Variants in PDE3A observed in about 807,000 individuals in gnomAD.
PDE3A encodes the protein cGMP-inhibited 3',5'-cyclic phosphodiesterase 3A.
In PDE3A, 43 loss-of-function variants were observed where a neutral mutation model predicts 98.3. That is an observed-to-expected ratio of 0.44 (90% CI 0.34 to 0.56). The LOEUF is 0.56. PDE3A is among the 20% of genes least tolerant of loss of function. The pLI is 0.01. For synonymous variants in PDE3A, 663 were observed against 567.9 expected, an observed-to-expected ratio of 1.17 and a Z score of -2.38; for missense variants, 1,427 against 1,440.7, an observed-to-expected ratio of 0.99 and a Z score of 0.15.
intron 2 of PDE3A, among the ~76,000 whole-genome samples, chr12:20,587,680 T>C (rs757040155): frequency 1.3e-5 from 2 of 152,192 alleles, no homozygotes; most frequent in Non-Finnish European, 2.9e-5. Flanking sequence ...TAGTGAATGG[T>C]TGAAAGAAGT....
chr12:20,560,859 C>G (rs1942499261), intron 2 of PDE3A, among the ~76,000 whole-genome samples: 1 of 151,942 alleles, frequency 6.6e-6, no homozygotes, highest in African/African-American at 2.4e-5. Context: ...GGAAACCCAC[C>G]CCCACCCCTA....
intron 1 of PDE3A, among the ~76,000 whole-genome samples, chr12:20,498,734 AGGTAGAACCTATCTCTTACT>A (rs1027673512): frequency 5.3e-5 from 8 of 152,186 alleles, no homozygotes; most frequent in African/African-American, 1.9e-4. Flanking sequence ...TTTGTCTTAC[AGGTAGAACCTATCTCTTACT>A]GGTAGAACCT....
chr12:20,499,846 C>A (rs147565662), intron 1 of PDE3A, among the ~76,000 whole-genome samples: 2 of 152,104 alleles, frequency 1.3e-5, no homozygotes, highest in African/African-American at 4.8e-5. Flanking sequence ...TGAGTGGTAA[C>A]GAAGGTCAAA....
chr12:20,386,053 T>A (rs1306359040), intron 1 of PDE3A, among the ~76,000 whole-genome samples: 36 of 51,110 alleles, frequency 7.0e-4, no homozygotes, highest in Admixed American at 1.3e-3. Context: ...TATATATAAA[T>A]ATATATAAAT....
In PDE3A at chr12:20,680,110, G is replaced by A. The variant is rs778619497; in HGVS notation, c.3265G>A (p.Val1089Ile). The A allele has an allele frequency of 6.2e-7, 1 of 1,613,514 alleles. No individual in the cohort carries two copies. The highest frequency in any genetic ancestry group is 1.7e-5 in the Admixed American group (1 of 60,004). The change falls in exon 16 of 16, where the codon GTC (valine) becomes ATC (isoleucine). Residue 1089 changes from valine (V) to isoleucine (I), a missense_variant. Val to Ile is a conservative substitution (Grantham distance 29, BLOSUM62 3). Coordinates refer to ENST00000359062, the MANE Select transcript of PDE3A (RefSeq NM_000921.5). Reference sequence around the variant, plus strand: ...ACAGAACCACAAGATGTGGAAGAAAGTCATTGAAGAGGAGCAACGGTTGGC... The same window carrying A: ...ACAGAACCACAAGATGTGGAAGAAAATCATTGAAGAGGAGCAACGGTTGGC... ...LLQNHKMWKK[V>I]IEEEQRLAGI... is the part of the protein sequence containing the mutation.
chr12:20,490,057 A>T (rs1056339999), intron 1 of PDE3A, among the ~76,000 whole-genome samples: 5 of 152,244 alleles, frequency 3.3e-5, no homozygotes, highest in African/African-American at 1.2e-4. Context: ...AGCTAGATTC[A>T]TCTTTTAGGA....
At position 20,660,172 on chromosome 12, in the gene PDE3A, T is replaced by C. The variant is rs1186008083; in HGVS notation, c.3184+5967T>C. ...TTATAAGAGGCTTTTCCCCCTTTCCTTGGCACTTCTCTCTTTGTATGACCA... is the reference window on the plus strand; with the variant it reads ...TTATAAGAGGCTTTTCCCCCTTTCCCTGGCACTTCTCTCTTTGTATGACCA... On this transcript the variant is annotated intron_variant, in intron 15 of 15. Coordinates refer to ENST00000359062, the MANE Select transcript of PDE3A (RefSeq NM_000921.5). 3.9e-5 allele frequency among the ~76,000 whole-genome samples: 6 copies of C among 152,330 alleles called. No homozygotes were observed. In the East Asian group the frequency reaches 1.2e-3, roughly 29 times the overall value.
intron 1 of PDE3A, among the ~76,000 whole-genome samples, chr12:20,470,682 A>G (rs1945421834): frequency 6.6e-6 from 1 of 152,296 alleles, no homozygotes; most frequent in Non-Finnish European, 1.5e-5. Flanking sequence ...TAATCTTGGA[A>G]TTATGAATCT....
At chr12:20,621,730 T>A (rs1476982835) in intron 5 of PDE3A, among the ~76,000 whole-genome samples, 3 of 152,118 alleles carry the variant, frequency 2.0e-5, no homozygotes, top group Non-Finnish European at 4.4e-5. Flanking sequence ...AATTCCAATT[T>A]TTTAGTGTCT....
chr12:20,648,621 C>A, intron 12 of PDE3A, 67 bp from the exon 13 acceptor site: 1 of 978,904 alleles, frequency 1.0e-6, no homozygotes, highest in Non-Finnish European at 1.7e-6. Context: ...AAAAGCATTG[C>A]ATATTCTCAT....
At chr12:20,507,893 C>T (rs1946147905) in intron 1 of PDE3A, among the ~76,000 whole-genome samples, 1 of 152,082 alleles carries the variant, frequency 6.6e-6, no homozygotes. Flanking sequence ...CCTCTCCTTC[C>T]TCACTGTGTA....
intron 1 of PDE3A, among the ~76,000 whole-genome samples, chr12:20,517,992 G>A (rs1056193806): frequency 2.0e-5 from 3 of 152,162 alleles, no homozygotes; most frequent in Non-Finnish European, 4.4e-5. Context: ...CACTGACTGT[G>A]CTATGTTCTT....
At chr12:20,410,015 T>C (rs1591900654) in intron 1 of PDE3A, among the ~76,000 whole-genome samples, 1 of 152,344 alleles carries the variant, frequency 6.6e-6, no homozygotes, top group South Asian at 2.1e-4. Flanking sequence ...CCTTGTAACT[T>C]TGACTCCTTT....
rs545334467 is a variant in PDE3A, at chr12:20,591,801, T to A, written c.1012-21642T>A. 2.0e-5 allele frequency among the ~76,000 whole-genome samples: 3 copies of A among 152,292 alleles called. No homozygotes were observed. The South Asian group carries it at 6.2e-4, about 32-fold the overall frequency. Reference sequence around the variant, plus strand: ...TAAACCAGAATGTCAGTGTACTCATTTTTCTTGAGAACTGTCATAGCCAAA... The same window carrying A: ...TAAACCAGAATGTCAGTGTACTCATATTTCTTGAGAACTGTCATAGCCAAA... On this transcript the variant is annotated intron_variant, in intron 2 of 15. Coordinates refer to ENST00000359062, the MANE Select transcript of PDE3A (RefSeq NM_000921.5).
chr12:20,545,025 T>C (rs746480657), intron 1 of PDE3A, among the ~76,000 whole-genome samples: 7 of 152,036 alleles, frequency 4.6e-5, no homozygotes, highest in Non-Finnish European at 7.4e-5. Flanking sequence ...TTTACTTTAT[T>C]ACCATTTTTC....
In PDE3A at chr12:20,551,787, G is replaced by A. The variant is rs979533370; in HGVS notation, c.961-4873G>A. ...GAGAGAGCAAGAAGAAGGCGAAGAT[G>A]GCCTCGGCCACATCGTCCTCACAGC... On this transcript the variant is annotated intron_variant, in intron 1 of 15. Coordinates refer to ENST00000359062, the MANE Select transcript of PDE3A (RefSeq NM_000921.5). 9.3e-6 allele frequency: 15 copies of A among 1,613,874 alleles called. No homozygotes were observed. In the Admixed American group the frequency reaches 2.2e-4, roughly 23 times the overall value.
At chr12:20,374,791 C>G (rs945341330) in intron 1 of PDE3A, among the ~76,000 whole-genome samples, 1 of 151,944 alleles carries the variant, frequency 6.6e-6, no homozygotes, top group Admixed American at 6.6e-5. Flanking sequence ...CCAGTAGAGT[C>G]AATGTTGACT....
rs539881377 is a variant in PDE3A at position 20,455,382 on chromosome 12, A to G, written c.960+85138A>G. On this transcript the variant is annotated intron_variant, in intron 1 of 15. Coordinates refer to ENST00000359062, the MANE Select transcript of PDE3A (RefSeq NM_000921.5). Reference sequence around the variant, plus strand: ...GACCTTTGTCAGATGCATAGTTTGCAAAAATGTTCTCCCATTCTGTAGATT... The same window carrying G: ...GACCTTTGTCAGATGCATAGTTTGCGAAAATGTTCTCCCATTCTGTAGATT... 1.3e-4 allele frequency among the ~76,000 whole-genome samples: 20 copies of G among 152,302 alleles called. No individual in the cohort carries two copies. The South Asian group carries it at 1.9e-3, about 14-fold the overall frequency.
intron 1 of PDE3A, among the ~76,000 whole-genome samples, chr12:20,447,819 A>G (rs1396477805): frequency 1.3e-5 from 2 of 152,278 alleles, no homozygotes; most frequent in South Asian, 2.1e-4. Context: ...TGGTCGAAAT[A>G]CAGGTCACAA....
Sources: gnomAD v4.1 joint callset for allele counts (sites outside exome capture counted in the v4.1 genomes callset) on GRCh38, gnomAD v4.1.1 for gene constraint, MANE v1.5 for transcripts, NCBI Gene and HGNC (gene_info 2026-07-23, HGNC 2026-07-21) for gene names.